TMPRSS12: variants seen among roughly 807,000 people sequenced by gnomAD.
TMPRSS12 encodes transmembrane serine protease 12, also known as transmembrane protease serine 12.
TMPRSS12 carries 25 observed loss-of-function variants against 26.0 expected under a neutral mutation model. The ratio of observed to expected loss-of-function variants is 0.96; its 90% CI spans 0.70 to 1.34. The LOEUF is 1.34. TMPRSS12 is among the 40% of genes most tolerant of loss of function. The probability of loss-of-function intolerance (pLI) is 0.00; values close to 1 mark genes in which losing one functional copy is unlikely to be tolerated. For missense variants in TMPRSS12, 441 were observed against 440.1 expected, an observed-to-expected ratio of 1.00 and a Z score of -0.02; for synonymous variants, 150 against 161.7, an observed-to-expected ratio of 0.93 and a Z score of 0.55.
intron 2 of TMPRSS12, among the ~76,000 whole-genome samples, chr12:50,852,577 AT>A (rs1252724214): frequency 2.0e-5 from 3 of 151,848 alleles, no homozygotes; most frequent in Non-Finnish European, 2.9e-5. Flanking sequence ...CACCCAGCTA[AT>A]TTTTGTATTT....
intron 3 of TMPRSS12, among the ~76,000 whole-genome samples, chr12:50,860,036 A>T (rs1318850010): frequency 6.6e-6 from 1 of 152,184 alleles, no homozygotes; most frequent in Non-Finnish European, 1.5e-5. Context: ...TTCTTTTCCA[A>T]AGCAGAAATA....
At chr12:50,868,922 T>A (rs1227207745) in intron 3 of TMPRSS12, among the ~76,000 whole-genome samples, 2 of 151,958 alleles carry the variant, frequency 1.3e-5, no homozygotes, top group African/African-American at 4.8e-5. Context: ...AACATCAAGA[T>A]GGAAATTAAA....
chr12:50,885,002 T>C lies in TMPRSS12; in HGVS notation c.653-244T>C, dbSNP rs1592226501. 2.6e-5 allele frequency among the ~76,000 whole-genome samples: 4 copies of C among 151,842 alleles called. No homozygotes were observed. In the South Asian group the frequency reaches 8.3e-4, roughly 32 times the overall value. On this transcript the variant is annotated intron_variant, in intron 3 of 4. Coordinates refer to ENST00000398458, the MANE Select transcript of TMPRSS12 (RefSeq NM_182559.3). ...GAGGTTGCAGTGAGCCGAGATCACG[T>C]CACTGCACTCCAGCCTGGGCAATAG...
At chr12:50,872,583 ACATATATATGACG>A (rs1384247877) in intron 3 of TMPRSS12, among the ~76,000 whole-genome samples, 54 of 143,198 alleles carry the variant, frequency 3.8e-4, no homozygotes, top group East Asian at 3.3e-3. Flanking sequence ...ATATATATGT[ACATATATATGACG>A]TATATGTACA....
intron 2 of TMPRSS12, among the ~76,000 whole-genome samples, chr12:50,856,999 T>TTTAC (rs1446413532): frequency 6.6e-6 from 1 of 152,094 alleles, no homozygotes; most frequent in African/African-American, 2.4e-5. Context: ...CTAGAACATA[T>TTTAC]TTAATGTAAG....
chr12:50,856,104 C>T (rs1287039156), intron 2 of TMPRSS12, among the ~76,000 whole-genome samples: 3 of 152,156 alleles, frequency 2.0e-5, no homozygotes, highest in African/African-American at 7.2e-5. Flanking sequence ...GTACTATGCT[C>T]ATTACATGGG....
intron 3 of TMPRSS12, among the ~76,000 whole-genome samples, chr12:50,874,120 A>G (rs1331634230): frequency 6.6e-6 from 1 of 152,174 alleles, no homozygotes; most frequent in Non-Finnish European, 1.5e-5. Flanking sequence ...ACCCAAGCCC[A>G]GTTCACTTCA....
intron 2 of TMPRSS12, among the ~76,000 whole-genome samples, chr12:50,854,052 T>C (rs1937853268): frequency 6.6e-6 from 1 of 152,000 alleles, no homozygotes; most frequent in African/African-American, 2.4e-5. Flanking sequence ...ATATTCCTCA[T>C]AAACACAGAT....
chr12:50,867,103 C>A (rs754828922), intron 3 of TMPRSS12, among the ~76,000 whole-genome samples: 4 of 152,158 alleles, frequency 2.6e-5, no homozygotes. Context: ...ATCACACTAG[C>A]TCACCAGCAT....
At chr12:50,845,365 G>C (rs1937757886) in intron 2 of TMPRSS12, among the ~76,000 whole-genome samples, 1 of 151,974 alleles carries the variant, frequency 6.6e-6, no homozygotes, top group Non-Finnish European at 1.5e-5. Context: ...ATGAGTCTTT[G>C]TCATCCTTTA....
intron 3 of TMPRSS12, among the ~76,000 whole-genome samples, chr12:50,878,710 CTT>C (rs1938136117): frequency 6.6e-6 from 1 of 152,196 alleles, no homozygotes; most frequent in Admixed American, 6.5e-5. Context: ...GGAAAACAGT[CTT>C]TTCAACAAAT....
chr12:50,848,881 T>C (rs1184096220), intron 2 of TMPRSS12, among the ~76,000 whole-genome samples: 1 of 152,198 alleles, frequency 6.6e-6, no homozygotes, highest in Non-Finnish European at 1.5e-5. Flanking sequence ...TTTTGTTTGT[T>C]TGAGACAGGG....
intron 2 of TMPRSS12, among the ~76,000 whole-genome samples, chr12:50,846,163 T>C (rs996602714): frequency 4.6e-5 from 7 of 152,238 alleles, no homozygotes; most frequent in Non-Finnish European, 7.3e-5. Flanking sequence ...ATCTATTTTT[T>C]TTCTTTTGTT....
At chr12:50,856,648 A>AT (rs1430015751) in intron 2 of TMPRSS12, among the ~76,000 whole-genome samples, 2 of 151,498 alleles carry the variant, frequency 1.3e-5, no homozygotes, top group Non-Finnish European at 2.9e-5. Context: ...ATTAAAAAAA[A>AT]AATAAGTAGA....
At chr12:50,856,712 G>T (rs1442636779) in intron 2 of TMPRSS12, among the ~76,000 whole-genome samples, 3 of 152,048 alleles carry the variant, frequency 2.0e-5, no homozygotes, top group Non-Finnish European at 4.4e-5. Flanking sequence ...TTGAGACAGG[G>T]TCTCACTCTG....
chr12:50,849,440 A>G (rs181417156), intron 2 of TMPRSS12, among the ~76,000 whole-genome samples: 328 of 152,330 alleles, frequency 2.2e-3, no homozygotes, highest in Non-Finnish European at 2.9e-3. Context: ...GTTCTGTTCT[A>G]CAACTTTTGA....
rs1270849186 is a variant in TMPRSS12, at chr12:50,843,074, C to T, written c.110C>T (p.Pro37Leu). The change falls in exon 1 of 5, where the codon CCG (proline) becomes CTG (leucine). Residue 37 changes from proline (P) to leucine (L), a missense_variant. Transcript: ENST00000398458. ...GRHRLGPSPE[P>L]AASSQQAEAV... ...CACAGGCTCGGCCCCTCGCCGGAAC[C>T]GGCGGCTAGTTCCCAGCAGGCTGAG... is the stretch of plus-strand genomic sequence containing the variant. The T allele has an allele frequency of 6.3e-7, 1 of 1,588,562 alleles. No homozygotes were observed. The highest frequency in any genetic ancestry group is 8.6e-7 in the Non-Finnish European group (1 of 1,168,094).
chr12:50,878,092 A>G (rs548068851), intron 3 of TMPRSS12, among the ~76,000 whole-genome samples: 137 of 152,302 alleles, frequency 9.0e-4, no homozygotes, highest in Non-Finnish European at 1.4e-3. Flanking sequence ...AATTATTCAC[A>G]GATTGGCCTA....
intron 3 of TMPRSS12, among the ~76,000 whole-genome samples, chr12:50,874,031 G>A (rs1001539284): frequency 1.3e-5 from 2 of 151,986 alleles, no homozygotes; most frequent in Non-Finnish European, 2.9e-5. Context: ...ACTGGCTCAA[G>A]AAGAAATGAA....
Sources: gnomAD v4.1 joint callset for allele counts (sites outside exome capture counted in the v4.1 genomes callset) on GRCh38, gnomAD v4.1.1 for gene constraint, MANE v1.5 for transcripts, NCBI Gene and HGNC (gene_info 2026-07-23, HGNC 2026-07-21) for gene names.